The following NF1 variants were observed in gnomAD, a reference collection of about 807,000 sequenced individuals.
NF1 encodes the protein neurofibromin 1.
NF1 carries 122 observed loss-of-function variants against 325.7 expected under a neutral mutation model. The observed-to-expected ratio is 0.37, with a 90% CI of 0.32 to 0.44. The LOEUF (loss-of-function observed/expected upper bound fraction) is 0.44, where lower values mean the gene tolerates loss of function less well. Among genes scored for constraint, NF1 ranks in the 20% least tolerant of loss-of-function variants. The pLI is 1.00. For synonymous variants in NF1, 1,091 were observed against 1,186.0 expected (o/e 0.92, Z 1.65); for missense variants, 2,140 against 3,415.4 (o/e 0.63, Z 9.31).
chr17:31,374,173 T>C lies in NF1; in HGVS notation c.*18T>C. ...TCGTGTGAAGCTTGCTTGCTTTCTT[T>C]TTTAAAATCAACTTAACATGGGCTC... On this transcript the variant is annotated 3_prime_UTR_variant, in exon 58 of 58. Transcript: ENST00000358273. 6 of 1,613,950 alleles carry C rather than the reference T, an allele frequency of 3.7e-6. No individual in the cohort carries two copies. Among genetic ancestry groups the C allele is most frequent in the Non-Finnish European group, 5.1e-6 (6 of 1,179,888 alleles).
In NF1 at chr17:31,327,565, C is replaced by T. The variant is rs770078684; in HGVS notation, c.5335C>T (p.Leu1779=). The change falls in exon 38 of 58, where the codon CTA becomes TTA. Residue 1779 remains leucine, a synonymous_variant. Transcript: ENST00000358273. ...AAAAGTCCTAGGGCAATCAGTCTTT[C>T]TAAATGACATTTATTATGCTTCGGA... ...RTKVLGQSVF[L]NDIYYASEIE... is the part of the protein sequence containing the mutation. 6.2e-7 allele frequency: 1 copy of T among 1,614,182 alleles called. No individual in the cohort carries two copies. Among genetic ancestry groups the T allele is most frequent in the Non-Finnish European group, 8.5e-7 (1 of 1,180,024 alleles).
intron 11 of NF1, among the ~76,000 whole-genome samples, chr17:31,202,277 A>G (rs535162799): frequency 6.6e-6 from 1 of 152,300 alleles, no homozygotes; most frequent in East Asian, 1.9e-4. Context: ...AAATTGGTTG[A>G]TGCTTTCCTT....
Position 31,352,306 on chromosome 17 carries a change from T to C in NF1, c.7507T>C (p.Tyr2503His). 6.2e-7 allele frequency: 1 copy of C among 1,614,176 alleles called. No individual in the cohort carries two copies. The highest frequency in any genetic ancestry group is 8.5e-7 in the Non-Finnish European group (1 of 1,180,034). The change falls in exon 51 of 58, where the codon TAC becomes CAC. Residue 2503 changes from tyrosine to histidine, a missense_variant. This residue lies in a region of NF1 where 522 missense variants were observed against 749.0 expected (regional missense o/e 0.70). Coordinates refer to ENST00000358273, the MANE Select transcript of NF1 (RefSeq NM_001042492.3). ...PWSSPKGSEG[Y>H]LAATYPTVGQ... ...GTCCTCTCCCAAAGGTTCTGAAGGA[T>C]ACCTTGCAGCCACCTATCCAACTGT...
intron 7 of NF1, 126 bp downstream of exon 7, chr17:31,181,911 T>G: frequency 1.4e-6 from 1 of 712,266 alleles, no homozygotes; most frequent in Non-Finnish European, 2.5e-6. Flanking sequence ...TATTGTCAAC[T>G]GGTGTCAAAT....
chr17:31,282,060 G>GAA (rs113453118), intron 36 of NF1, among the ~76,000 whole-genome samples: 1 of 138,152 alleles, frequency 7.2e-6, no homozygotes, highest in African/African-American at 2.7e-5. Flanking sequence ...ACCCTGTCTG[G>GAA]AAAAAAAAAA....
At position 31,350,231 on chromosome 17, in the gene NF1, A is replaced by T. The variant is rs863224664; in HGVS notation, c.7370A>T (p.His2457Leu). 2.5e-6 allele frequency: 4 copies of T among 1,613,974 alleles called. No homozygotes were observed. Among genetic ancestry groups the T allele is most frequent in the South Asian group, 1.1e-5 (1 of 91,080 alleles). Residue 2457 changes from histidine (H) to leucine (L), a missense_variant, in exon 50 of 58, where the codon CAT becomes CTT. Around this residue, in one of 10 missense-constraint regions of NF1, gnomAD observed 522 missense variants for 749.0 expected, o/e 0.70. Coordinates refer to ENST00000358273, the MANE Select transcript of NF1 (RefSeq NM_001042492.3). ...EEVRSRCSLK[H>L]RKSLLLTDIS... ...GTTCGAAGTCGCTGCAGCCTAAAAC[A>T]TAGAAAGTCACTTCTTCTTACTGAT...
At chr17:31,348,937 A>C (rs1415188381) in intron 48 of NF1, among the ~76,000 whole-genome samples, 183 bp from the exon 49 acceptor site, 1 of 152,166 alleles carries the variant, frequency 6.6e-6, no homozygotes, top group Non-Finnish European at 1.5e-5. Context: ...TTAATCTTAT[A>C]CATAATTAAT....
intron 1 of NF1, among the ~76,000 whole-genome samples, chr17:31,144,919 T>C (rs1186791707): frequency 6.6e-6 from 1 of 152,234 alleles, no homozygotes; most frequent in African/African-American, 2.4e-5. Context: ...GGATGAGAGA[T>C]ACTTGACAGT....
intron 35 of NF1, among the ~76,000 whole-genome samples, chr17:31,262,595 A>G (rs1953538590): frequency 6.6e-6 from 1 of 152,226 alleles, no homozygotes; most frequent in South Asian, 2.1e-4. Context: ...AGATTTGTAT[A>G]TAATATGCCT....
chr17:31,296,411 T>C, intron 36 of NF1: 3 of 1,484,496 alleles, frequency 2.0e-6, no homozygotes, highest in Non-Finnish European at 2.8e-6. Context: ...CAGTTAGCAT[T>C]AGGCAAAATT....
intron 36 of NF1, chr17:31,318,773 A>G (rs2069096979): frequency 6.2e-7 from 1 of 1,613,874 alleles, no homozygotes; most frequent in Non-Finnish European, 8.5e-7. Flanking sequence ...ACGATGTGAG[A>G]TGTTTCAGGC....
intron 15 of NF1, 124 bp from the exon 16 acceptor site, chr17:31,223,320 T>G (rs1312077550): frequency 2.6e-6 from 3 of 1,172,172 alleles, no homozygotes; most frequent in South Asian, 2.6e-5. Context: ...CTCTAAAACC[T>G]TACAAGAAAA....
Position 31,237,127 on chromosome 17 carries a change from A to G in NF1, c.3974+1106A>G, listed in dbSNP as rs17880791. 1.6e-3 allele frequency among the ~76,000 whole-genome samples: 250 copies of G among 152,140 alleles called. 1 individual carries two copies. The highest frequency in any genetic ancestry group is 5.8e-3 in the African/African-American group (240 of 41,512). On this transcript the variant is annotated intron_variant, in intron 29 of 57. Transcript: ENST00000358273. ...AGCTTCTTGATGATTGTTCTTCCTA[A>G]ATAATCATTATTTAGCAACTGTGTA... is the stretch of plus-strand genomic sequence containing the variant.
intron 36 of NF1, among the ~76,000 whole-genome samples, chr17:31,268,854 A>G (rs1158131069): frequency 1.3e-5 from 2 of 151,598 alleles, no homozygotes; most frequent in African/African-American, 4.8e-5. Flanking sequence ...GTGTGCCACC[A>G]CAGCTGGCTA....
chr17:31,329,165 C>CT (rs945646707), intron 38 of NF1, among the ~76,000 whole-genome samples: 18 of 151,996 alleles, frequency 1.2e-4, no homozygotes, highest in Admixed American at 3.9e-4. Context: ...TAGTGAGACT[C>CT]TGACTAAAAG....
At chr17:31,218,007 C>T (rs535895246) in intron 13 of NF1, among the ~76,000 whole-genome samples, 1 of 151,470 alleles carries the variant, frequency 6.6e-6, no homozygotes, top group South Asian at 2.1e-4. Context: ...GCTTAGTACA[C>T]TATATTTTTC....
At chr17:31,096,142 T>C (rs1420891034) in intron 1 of NF1, among the ~76,000 whole-genome samples, 111 of 129,998 alleles carry the variant, frequency 8.5e-4, no homozygotes, top group African/African-American at 2.5e-3. Flanking sequence ...CCCCCCCCCC[T>C]TTTTTTTTTG....
chr17:31,102,736 CA>C (rs112263662), intron 1 of NF1, among the ~76,000 whole-genome samples: 2,935 of 126,694 alleles, frequency 0.023, 87 homozygotes, highest in African/African-American at 0.072. Context: ...CCCTGTCTTC[CA>C]AAAAAAAAAA....
chr17:31,336,131 T>G lies in NF1; in HGVS notation c.6007-202T>G, dbSNP rs1267161197. ...ACCAATCTCTTAATCTCTGAAGGAG[T>G]CAAATGAATATACTCATCCTTTACT... is the stretch of plus-strand genomic sequence containing the variant. On this transcript the variant is annotated intron_variant, in intron 40 of 57. Coordinates refer to ENST00000358273, the MANE Select transcript of NF1 (RefSeq NM_001042492.3). The surrounding 1 kb of genome is among the most constrained non-coding windows in gnomAD (Gnocchi z 5.5). Among the ~76,000 whole-genome samples the G allele has an allele frequency of 6.6e-6, 1 of 152,016 alleles. No individual in the cohort carries two copies. The highest frequency in any genetic ancestry group is 2.4e-5 in the African/African-American group (1 of 41,392).
Sources: gnomAD v4.1 joint callset for allele counts (sites outside exome capture counted in the v4.1 genomes callset) on GRCh38, gnomAD v4.1.1 for gene constraint, gnomAD v4.1.1 regional missense constraint, Gnocchi (gnomAD v3.1) non-coding constraint, MANE v1.5 for transcripts, NCBI Gene and HGNC (gene_info 2026-07-23, HGNC 2026-07-21) for gene names.